The following HSF5 variants were observed in gnomAD, a reference collection of about 807,000 sequenced individuals.
HSF5 encodes the protein heat shock transcription factor 5, also known as heat shock factor protein 5.
A neutral mutation model predicts 50.8 loss-of-function variants in HSF5; 5 were observed. The ratio of observed to expected loss-of-function variants is 0.10; its 90% CI spans 0.05 to 0.21. HSF5 has a LOEUF of 0.21. Among genes scored for constraint, HSF5 ranks in the 10% least tolerant of loss-of-function variants. The probability of loss-of-function intolerance (pLI) is 1.00; values close to 1 mark genes in which losing one functional copy is unlikely to be tolerated. For missense variants in HSF5, 564 were observed against 762.6 expected (o/e 0.74, Z 3.07); for synonymous variants, 307 against 307.4 (o/e 1.00, Z 0.02).
intron 1 of HSF5, among the ~76,000 whole-genome samples, chr17:58,482,096 T>C (rs1310301342): frequency 7.4e-6 from 1 of 134,310 alleles, no homozygotes; most frequent in African/African-American, 2.9e-5. Flanking sequence ...CAGAGTGAGA[T>C]CCTATCTCTT....
rs148900616 is a variant in HSF5 at position 58,475,078 on chromosome 17, C to T, written c.925+4815G>A. On this transcript the variant is annotated intron_variant, in intron 2 of 5. Transcript: ENST00000323777. ...TAATTCCCTCCTTTTCTTTTCAACG[C>T]CATTCACCAAAAGAGTAACAGCTCT... 5.3e-5 allele frequency among the ~76,000 whole-genome samples: 8 copies of T among 152,162 alleles called. 1 individual carries two copies. Among genetic ancestry groups the T allele is most frequent in the African/African-American group, 1.9e-4 (8 of 41,518 alleles).
At chr17:58,478,587 C>G (rs962723974) in intron 2 of HSF5, among the ~76,000 whole-genome samples, 1 of 150,734 alleles carries the variant, frequency 6.6e-6, no homozygotes, top group African/African-American at 2.4e-5. Flanking sequence ...AATGGCCAGG[C>G]AGGGTGGCTC....
At chr17:58,472,362 G>C (rs1974959913) in intron 2 of HSF5, among the ~76,000 whole-genome samples, 1 of 152,136 alleles carries the variant, frequency 6.6e-6, no homozygotes, top group Non-Finnish European at 1.5e-5. Context: ...TGTAGTCCTA[G>C]CTACCTGGGA....
At chr17:58,453,399 G>A (rs1423285663) in intron 5 of HSF5, among the ~76,000 whole-genome samples, 2 of 152,106 alleles carry the variant, frequency 1.3e-5, no homozygotes, top group East Asian at 1.9e-4. Flanking sequence ...TTTGAGACCA[G>A]CCTGACCAAC....
Position 58,463,062 on chromosome 17 carries a change from C to A in HSF5, c.1262G>T (p.Cys421Phe), listed in dbSNP as rs770161974. 42 of 1,614,074 alleles carry A rather than the reference C, an allele frequency of 2.6e-5. No homozygotes were observed. Among genetic ancestry groups the A allele is most frequent in the African/African-American group, 4.0e-5 (3 of 74,924 alleles). The change falls in exon 4 of 6, where the codon TGT becomes TTT. Residue 421 changes from cysteine (C) to phenylalanine (F), a missense_variant. Around this residue, in one of 5 missense-constraint regions of HSF5, gnomAD observed 441 missense variants for 533.6 expected, o/e 0.83. Coordinates refer to ENST00000323777, the MANE Select transcript of HSF5 (RefSeq NM_001080439.3). ...CAGCTGGCTAGCCTGACTTGCAGAA[C>A]ATGGATTGCTGTTGTTAGAATTAGC... ...ILANSNNSNP[C>F]SASQASQLEP...
At chr17:58,471,390 C>A (rs1974941369) in intron 2 of HSF5, among the ~76,000 whole-genome samples, 1 of 151,960 alleles carries the variant, frequency 6.6e-6, no homozygotes, top group Admixed American at 6.5e-5. Flanking sequence ...AGTAACAGCA[C>A]CAAAAAGCTC....
At chr17:58,439,104 GC>G (rs1156937788) in intron 5 of HSF5, among the ~76,000 whole-genome samples, 1 of 151,526 alleles carries the variant, frequency 6.6e-6, no homozygotes, top group East Asian at 1.9e-4. Context: ...GCCAGACTAG[GC>G]AACAGAGTGA....
At chr17:58,451,175 C>A (rs1974636371) in intron 5 of HSF5, among the ~76,000 whole-genome samples, 1 of 152,098 alleles carries the variant, frequency 6.6e-6, no homozygotes, top group Admixed American at 6.6e-5. Flanking sequence ...AACACTGGAG[C>A]ACCTAAATAT....
chr17:58,466,521 G>A (rs1220955288), intron 3 of HSF5, among the ~76,000 whole-genome samples: 1 of 152,110 alleles, frequency 6.6e-6, no homozygotes, highest in Non-Finnish European at 1.5e-5. Context: ...ATGTGTCTAC[G>A]TTAAGTATGG....
At chr17:58,481,615 T>C (rs1386772774) in intron 1 of HSF5, among the ~76,000 whole-genome samples, 1 of 152,256 alleles carries the variant, frequency 6.6e-6, no homozygotes, top group East Asian at 1.9e-4. Context: ...AAGTTAACAC[T>C]CAAATATCTG....
intron 5 of HSF5, among the ~76,000 whole-genome samples, chr17:58,445,013 T>TA (rs1029050579): frequency 1.1e-4 from 16 of 151,176 alleles, no homozygotes; most frequent in Admixed American, 2.0e-4. Flanking sequence ...CAGAGAAATG[T>TA]AAAAAAAAAT....
intron 5 of HSF5, among the ~76,000 whole-genome samples, chr17:58,423,842 T>C (rs1974256549): frequency 6.6e-6 from 1 of 152,192 alleles, no homozygotes; most frequent in African/African-American, 2.4e-5. Flanking sequence ...TGAGTTAAAG[T>C]ATACAGCACA....
At chr17:58,462,572 T>C (rs1974808033) in intron 4 of HSF5, among the ~76,000 whole-genome samples, 1 of 152,178 alleles carries the variant, frequency 6.6e-6, no homozygotes, top group African/African-American at 2.4e-5. Flanking sequence ...CTTCAGACCA[T>C]GCATAATATA....
chr17:58,476,387 TC>T, intron 2 of HSF5: 1 of 1,030,450 alleles, frequency 9.7e-7, no homozygotes, highest in Non-Finnish European at 1.5e-6. Context: ...GTAAAGAAGC[TC>T]CCTGGTTCCT....
At chr17:58,471,872 G>T (rs1292495788) in intron 2 of HSF5, among the ~76,000 whole-genome samples, 1 of 151,920 alleles carries the variant, frequency 6.6e-6, no homozygotes, top group East Asian at 1.9e-4. Flanking sequence ...TTACTTTTTT[G>T]AGACAGGGTC....
At chr17:58,452,603 A>T (rs1974655864) in intron 5 of HSF5, among the ~76,000 whole-genome samples, 1 of 152,244 alleles carries the variant, frequency 6.6e-6, no homozygotes, top group African/African-American at 2.4e-5. Context: ...TGAGGCCAGG[A>T]GTTTGAGACC....
intron 1 of HSF5, 141 bp downstream of exon 1, chr17:58,487,584 G>C: frequency 7.9e-7 from 1 of 1,273,348 alleles, no homozygotes; most frequent in Non-Finnish European, 9.9e-7. Flanking sequence ...CCAGTCTCGG[G>C]AAGCACAGCG....
intron 2 of HSF5, among the ~76,000 whole-genome samples, chr17:58,472,491 T>C (rs1439690231): frequency 6.6e-6 from 1 of 152,080 alleles, no homozygotes; most frequent in African/African-American, 2.4e-5. Flanking sequence ...ATAATAAAAA[T>C]AAAAATAAAC....
At chr17:58,442,497 G>T (rs909223934) in intron 5 of HSF5, among the ~76,000 whole-genome samples, 2 of 152,034 alleles carry the variant, frequency 1.3e-5, no homozygotes, top group African/African-American at 4.8e-5. Flanking sequence ...TCTTTTATTG[G>T]TTTGAGGAAT....
Sources: allele counts gnomAD v4.1 joint callset (sites outside exome capture counted in the v4.1 genomes callset), GRCh38; gene constraint gnomAD v4.1.1; regional missense constraint gnomAD v4.1.1; transcripts MANE v1.5; gene names NCBI Gene and HGNC (gene_info 2026-07-23, HGNC 2026-07-21).